The following RAB3B variants were observed in gnomAD, a reference collection of about 807,000 sequenced individuals.
RAB3B encodes RAB3B, member RAS oncogene family.
Under a neutral mutation model 20.5 loss-of-function variants are expected in RAB3B, and 11 were observed. The ratio of observed to expected loss-of-function variants is 0.54; its 90% CI spans 0.34 to 0.89. The LOEUF is 0.89. Ranked by LOEUF, RAB3B falls within the 40% of genes least tolerant of loss-of-function variation. The pLI, the probability that RAB3B is intolerant of heterozygous loss-of-function variation, is 0.02. For missense variants in RAB3B, 225 were observed against 280.9 expected (o/e 0.80, Z 1.42); for synonymous variants, 99 against 106.3 (o/e 0.93, Z 0.42).
intron 2 of RAB3B, among the ~76,000 whole-genome samples, chr1:51,967,521 C>CTTTTTCTTTTTTTTTTTTTTTT (rs1684870854): frequency 2.7e-5 from 1 of 36,496 alleles, no homozygotes; most frequent in Admixed American, 6.3e-4. Flanking sequence ...TTTTCTTTTT[C>CTTTTTCTTTTTTTTTTTTTTTT]TTTTTTTTTT....
intron 2 of RAB3B, among the ~76,000 whole-genome samples, chr1:51,964,448 T>C (rs532839212): frequency 6.6e-6 from 1 of 152,268 alleles, no homozygotes; most frequent in East Asian, 1.9e-4. Context: ...CTTCACTCTT[T>C]CCCTTGTTAA....
intron 2 of RAB3B, among the ~76,000 whole-genome samples, 181 bp downstream of exon 2, chr1:51,976,709 C>T (rs1404595907): frequency 1.3e-5 from 2 of 152,152 alleles, no homozygotes; most frequent in Non-Finnish European, 2.9e-5. Context: ...CAACTGAACC[C>T]CTGGAGGAGA....
rs1418496206 is a variant in RAB3B at position 51,918,203 on chromosome 1, C to T, written c.*1724G>A. ...TCTGGTAGAAACTAAGGTTTCACTC[C>T]CAGGAGAAAGGGGTTGGGATCGGGA... On this transcript the variant is annotated 3_prime_UTR_variant, in exon 5 of 5. Coordinates refer to ENST00000371655, the MANE Select transcript of RAB3B (RefSeq NM_002867.4). The T allele has an allele frequency of 1.3e-5, 2 of 152,132 alleles. No individual in the cohort carries two copies. Among genetic ancestry groups the T allele is most frequent in the Non-Finnish European group, 2.9e-5 (2 of 68,032 alleles). The allele number at this position is 152,132 out of a possible 1,614,324, so 9.4% of individuals were successfully genotyped here. A position where few individuals can be genotyped will look rare whatever the true frequency, so the allele number is the denominator to read the frequency against.
At chr1:51,970,066 T>C (rs1684906813) in intron 2 of RAB3B, among the ~76,000 whole-genome samples, 1 of 144,712 alleles carries the variant, frequency 6.9e-6, no homozygotes. Context: ...TTAGACCCTA[T>C]CTCAAAAAAA....
chr1:51,980,444 A>G, intron 1 of RAB3B: 2 of 515,990 alleles, frequency 3.9e-6, no homozygotes, highest in Non-Finnish European at 7.0e-6. Context: ...AAAAAAAAAA[A>G]CCTCCTCTCT....
chr1:51,927,718 G>A (rs1280336277), intron 4 of RAB3B, among the ~76,000 whole-genome samples: 2 of 152,208 alleles, frequency 1.3e-5, no homozygotes, highest in African/African-American at 4.8e-5. Flanking sequence ...CAGGAAGATT[G>A]CTTGAGTCCC....
chr1:51,978,998 T>A (rs1685047206), intron 1 of RAB3B, among the ~76,000 whole-genome samples: 1 of 152,252 alleles, frequency 6.6e-6, no homozygotes, highest in African/African-American at 2.4e-5. Context: ...CTGTTCTTCC[T>A]TCCCTTTGTT....
chr1:51,929,340 C>T (rs571897183), intron 4 of RAB3B, among the ~76,000 whole-genome samples: 1,565 of 150,070 alleles, frequency 0.01, 33 homozygotes, highest in South Asian at 0.076. Flanking sequence ...CTTTTTTTTT[C>T]TTTTTGAGAT....
In RAB3B at chr1:51,913,386, G is replaced by A. The variant is rs759014390; in HGVS notation, c.*6541C>T. On this transcript the variant is annotated 3_prime_UTR_variant, in exon 5 of 5. Transcript: ENST00000371655. ...ACATCTACCAGACTTAGTTTCAGAG[G>A]ACTGAGGGTGCTTCCTGTGGTAGAT... 8 of 152,028 alleles carry A rather than the reference G, an allele frequency of 5.3e-5. No homozygotes were observed. Among genetic ancestry groups the A allele is most frequent in the Non-Finnish European group, 1.2e-4 (8 of 68,016 alleles). The allele number at this position is 152,028 out of a possible 1,614,324, so 9.4% of individuals were successfully genotyped here.
At chr1:51,982,690 T>C (rs1244036374) in intron 1 of RAB3B, among the ~76,000 whole-genome samples, 1 of 151,326 alleles carries the variant, frequency 6.6e-6, no homozygotes, top group Non-Finnish European at 1.5e-5. Context: ...GAGGTGGAGG[T>C]TGCAGTGAGC....
intron 3 of RAB3B, among the ~76,000 whole-genome samples, chr1:51,934,775 C>CAAAAA (rs34750673): frequency 2.6e-4 from 18 of 69,860 alleles, no homozygotes; most frequent in South Asian, 1.4e-3. Flanking sequence ...GACTCCATCT[C>CAAAAA]AAAAAAAAAA....
At chr1:51,940,559 T>C (rs964046927) in intron 2 of RAB3B, among the ~76,000 whole-genome samples, 4 of 151,538 alleles carry the variant, frequency 2.6e-5, no homozygotes, top group Non-Finnish European at 5.9e-5. Flanking sequence ...GGAGGCAGGG[T>C]CGCAGGGAGC....
Position 51,937,332 on chromosome 1 carries a change from G to A in RAB3B, c.309C>T (p.Asp103=), listed in dbSNP as rs1684419421. 1.2e-6 allele frequency: 2 copies of A among 1,612,992 alleles called. No individual in the cohort carries two copies. The highest frequency in any genetic ancestry group is 1.7e-6 in the Non-Finnish European group (2 of 1,179,268). ...RGAMGFILMY[D]ITNEESFNAV... ...CATTGAAGGACTCTTCATTGGTGAT[G>A]TCATACATCAGAATGAAGCCCATGG... Residue 103 remains aspartate (D), a synonymous_variant, in exon 3 of 5, where the codon GAC becomes GAT. Transcript: ENST00000371655.
At chr1:51,942,890 T>C (rs1462911543) in intron 2 of RAB3B, among the ~76,000 whole-genome samples, 1 of 152,190 alleles carries the variant, frequency 6.6e-6, no homozygotes, top group Admixed American at 6.5e-5. Flanking sequence ...ATATCTGTCA[T>C]GTTTATCTGT....
chr1:51,978,977 T>C (rs1685046832), intron 1 of RAB3B, among the ~76,000 whole-genome samples: 1 of 152,228 alleles, frequency 6.6e-6, no homozygotes, highest in South Asian at 2.1e-4. Flanking sequence ...ACCACTGGAC[T>C]CCTGTGGTCT....
At chr1:51,927,936 C>T (rs558701183) in intron 4 of RAB3B, among the ~76,000 whole-genome samples, 1 of 152,262 alleles carries the variant, frequency 6.6e-6, no homozygotes, top group African/African-American at 2.4e-5. Context: ...GGACAAGAAG[C>T]CCCTTTCCGA....
At chr1:51,990,145 C>T (rs1258329652) in intron 1 of RAB3B, among the ~76,000 whole-genome samples, 1 of 124,416 alleles carries the variant, frequency 8.0e-6, no homozygotes, top group African/African-American at 3.2e-5. Flanking sequence ...GCTCCCTTCA[C>T]CGCCCCCTTC....
chr1:51,921,369 A>G (rs1684169542), intron 4 of RAB3B, among the ~76,000 whole-genome samples: 1 of 152,148 alleles, frequency 6.6e-6, no homozygotes, highest in Non-Finnish European at 1.5e-5. Flanking sequence ...ATCATCTCCA[A>G]TTTATAAATG....
intron 1 of RAB3B, among the ~76,000 whole-genome samples, chr1:51,989,208 T>TTGTGTGTGTGTGTGTGTGTGTGTGTGTG (rs60661761): frequency 3.0e-5 from 3 of 99,870 alleles, no homozygotes; most frequent in African/African-American, 1.3e-4. Context: ...CCATCTTGTT[T>TTGTGTGTGTGTGTGTGTGTGTGTGTGTG]TGTGTGTGTG....
Sources: gnomAD v4.1 joint callset for allele counts (sites outside exome capture counted in the v4.1 genomes callset) on GRCh38, gnomAD v4.1.1 for gene constraint, MANE v1.5 for transcripts, NCBI Gene and HGNC (gene_info 2026-07-23, HGNC 2026-07-21) for gene names.